Variants in RUNX1 observed in about 807,000 individuals in gnomAD.
The protein encoded by RUNX1 is RUNX family transcription factor 1, also known as runt-related transcription factor 1.
A neutral mutation model predicts 42.8 loss-of-function variants in RUNX1; 19 were observed. That is an observed-to-expected ratio of 0.44 (90% CI 0.31 to 0.65). The LOEUF (loss-of-function observed/expected upper bound fraction) is 0.65, where lower values mean the gene tolerates loss of function less well. Among genes scored for constraint, RUNX1 ranks in the 30% least tolerant of loss-of-function variants. The pLI is 0.07. For synonymous variants in RUNX1, 271 were observed against 289.4 expected (o/e 0.94, Z 0.64); for missense variants, 528 against 672.0 (o/e 0.79, Z 2.37).
At chr21:34,993,732 G>A (rs1331160647) in intron 2 of RUNX1, among the ~76,000 whole-genome samples, 1 of 66,868 alleles carries the variant, frequency 1.5e-5, no homozygotes, top group South Asian at 4.5e-4. Flanking sequence ...CACACACACA[G>A]ACACACAGAG....
chr21:35,047,975 C>T (rs1321906762), intron 2 of RUNX1, among the ~76,000 whole-genome samples: 1 of 152,202 alleles, frequency 6.6e-6, no homozygotes, highest in African/African-American at 2.4e-5. Context: ...CACACATACT[C>T]ACACACTCAC....
At position 35,021,704 on chromosome 21, in the gene RUNX1, C is replaced by T. The variant is rs560234141; in HGVS notation, c.58+27138G>A. Among the ~76,000 whole-genome samples, 5 of 152,310 alleles carry T rather than the reference C, an allele frequency of 3.3e-5. No homozygotes were observed. In the East Asian group the frequency reaches 7.7e-4, roughly 24 times the overall value. The stretch of plus-strand genomic sequence containing the variant: ...ACCTGCAGGGACCTACCCAGCCAGC[C>T]ACAGGGGCCTGCGCTGACCTCATCT... On this transcript the variant is annotated intron_variant, in intron 2 of 8. Transcript: ENST00000675419.
chr21:34,961,943 A>G (rs2058684930), intron 2 of RUNX1, among the ~76,000 whole-genome samples: 1 of 151,948 alleles, frequency 6.6e-6, no homozygotes, highest in South Asian at 2.1e-4. Context: ...CCGAGGCTGG[A>G]GTGCAGTGGC....
intron 2 of RUNX1, among the ~76,000 whole-genome samples, chr21:34,940,106 A>C (rs1251901679): frequency 6.6e-6 from 1 of 152,186 alleles, no homozygotes; most frequent in African/African-American, 2.4e-5. Flanking sequence ...GTACACAGTA[A>C]ATTCCGATGG....
At position 34,993,806 on chromosome 21, in the gene RUNX1, C is replaced by CAG. The variant is rs1212395908; in HGVS notation, c.58+55035_58+55036insCT. ...ACACACACACAGACACACACACAGACACACACACACACATACACAGACACA... is the reference window on the plus strand; with the variant it reads ...ACACACACACAGACACACACACAGACAGACACACACACACATACACAGACACA... On this transcript the variant is annotated intron_variant, in intron 2 of 8. Transcript: ENST00000675419. Among the ~76,000 whole-genome samples, 14 of 129,490 alleles carry CAG rather than the reference C, an allele frequency of 1.1e-4. 1 individual carries two copies. The highest frequency in any genetic ancestry group is 6.6e-4 in the African/African-American group (14 of 21,302). 85.0% of individuals were successfully genotyped at this position (129,490 alleles called of 152,430 possible). A position where few individuals can be genotyped will look rare whatever the true frequency, so the allele number is the denominator to read the frequency against.
intron 7 of RUNX1, among the ~76,000 whole-genome samples, chr21:34,799,714 C>A (rs1352941642): frequency 6.6e-6 from 1 of 152,116 alleles, no homozygotes; most frequent in Non-Finnish European, 1.5e-5. Flanking sequence ...ATCATGCTAA[C>A]AATGATGAGA....
chr21:35,029,338 T>C (rs1236658534), intron 2 of RUNX1, among the ~76,000 whole-genome samples: 1 of 152,232 alleles, frequency 6.6e-6, no homozygotes, highest in African/African-American at 2.4e-5. Flanking sequence ...CTAACACAGC[T>C]AGCATCATTG....
At chr21:34,947,287 A>G (rs894377472) in intron 2 of RUNX1, among the ~76,000 whole-genome samples, 1 of 152,186 alleles carries the variant, frequency 6.6e-6, no homozygotes, top group Non-Finnish European at 1.5e-5. Flanking sequence ...TTTGGCTACC[A>G]TTACTCTCAG....
At chr21:35,011,019 C>G (rs1326889112) in intron 2 of RUNX1, among the ~76,000 whole-genome samples, 2 of 152,142 alleles carry the variant, frequency 1.3e-5, no homozygotes, top group African/African-American at 4.8e-5. Context: ...AGTGAAGATA[C>G]CACTACCAAA....
intron 2 of RUNX1, among the ~76,000 whole-genome samples, chr21:35,037,519 A>G (rs556762749): frequency 6.6e-6 from 1 of 152,264 alleles, no homozygotes; most frequent in Non-Finnish European, 1.5e-5. Context: ...TCGCTCTGTA[A>G]GGCTAAACTC....
chr21:34,793,844 C>T (rs1026645006), intron 8 of RUNX1, among the ~76,000 whole-genome samples: 1 of 151,942 alleles, frequency 6.6e-6, no homozygotes, highest in Admixed American at 6.6e-5. Flanking sequence ...GCTGGGATTA[C>T]AGGCGCCCGC....
chr21:34,896,622 G>T (rs962352489), intron 2 of RUNX1, among the ~76,000 whole-genome samples: 1 of 152,192 alleles, frequency 6.6e-6, no homozygotes, highest in Non-Finnish European at 1.5e-5. Context: ...GGCGGAGGTT[G>T]CAGTGAGCCA....
At chr21:34,975,109 G>T (rs541912960) in intron 2 of RUNX1, among the ~76,000 whole-genome samples, 16 of 152,266 alleles carry the variant, frequency 1.1e-4, no homozygotes, top group Non-Finnish European at 1.9e-4. Context: ...TAAAAGAGAA[G>T]GCAAGCAAGT....
At chr21:34,965,985 G>C (rs1022561660) in intron 2 of RUNX1, among the ~76,000 whole-genome samples, 2 of 152,208 alleles carry the variant, frequency 1.3e-5, no homozygotes, top group African/African-American at 4.8e-5. Flanking sequence ...CCACATCCCA[G>C]GGCGGTCTCG....
chr21:34,965,213 G>C (rs541603093), intron 2 of RUNX1, among the ~76,000 whole-genome samples: 6 of 151,806 alleles, frequency 4.0e-5, no homozygotes, highest in African/African-American at 1.5e-4. Flanking sequence ...CACACACACA[G>C]CCTCACACAC....
At chr21:34,911,778 CTCTG>C (rs919484112) in intron 2 of RUNX1, among the ~76,000 whole-genome samples, 4 of 152,172 alleles carry the variant, frequency 2.6e-5, no homozygotes, top group African/African-American at 9.7e-5. Flanking sequence ...CTGCCATAGC[CTCTG>C]TCTGTCTCAC....
chr21:34,886,178 A>G (rs923414441), intron 4 of RUNX1, among the ~76,000 whole-genome samples: 1 of 152,190 alleles, frequency 6.6e-6, no homozygotes, highest in African/African-American at 2.4e-5. Flanking sequence ...AGGTGAGCTG[A>G]TGATAGCATT....
rs77722602 is a variant in RUNX1, at chr21:34,893,990, A to T, written c.59-1027T>A. Reference sequence around the variant, plus strand: ...TGTATAGTCTCAAAGGAGCATCCAAAAAAAAACGAGATTGTGGTTCACAAG... The same window carrying T: ...TGTATAGTCTCAAAGGAGCATCCAATAAAAAACGAGATTGTGGTTCACAAG... On this transcript the variant is annotated intron_variant, in intron 2 of 8. Coordinates refer to ENST00000675419, the MANE Select transcript of RUNX1 (RefSeq NM_001754.5). 8.9e-4 allele frequency among the ~76,000 whole-genome samples: 135 copies of T among 152,338 alleles called. 3 individuals are homozygous for T. The East Asian group carries it at 0.024, about 28-fold the overall frequency.
At chr21:34,895,675 A>G (rs2146465776) in intron 2 of RUNX1, among the ~76,000 whole-genome samples, 1 of 152,132 alleles carries the variant, frequency 6.6e-6, no homozygotes, top group Admixed American at 6.5e-5. Context: ...TCAGTGTGTC[A>G]GTTCCAGTAC....
Sources: allele counts gnomAD v4.1 joint callset (sites outside exome capture counted in the v4.1 genomes callset), GRCh38; gene constraint gnomAD v4.1.1; transcripts MANE v1.5; gene names NCBI Gene and HGNC (gene_info 2026-07-23, HGNC 2026-07-21).